The following MAST4 variants were observed in gnomAD, a reference collection of about 807,000 sequenced individuals.
MAST4 encodes the protein microtubule-associated serine/threonine-protein kinase 4.
MAST4 carries 89 observed loss-of-function variants against 162.7 expected under a neutral mutation model. The observed-to-expected ratio is 0.55, with a 90% confidence interval of 0.46 to 0.65. MAST4 has a LOEUF of 0.65. MAST4 is among the 30% of genes least tolerant of loss of function. MAST4 has a pLI of 0.00. For synonymous variants in MAST4, 1,479 were observed against 1,361.1 expected (o/e 1.09, Z -1.91); for missense variants, 3,153 against 3,374.0 (o/e 0.93, Z 1.62).
chr5:66,806,842 A>C (rs1170446880), intron 3 of MAST4, among the ~76,000 whole-genome samples: 1 of 151,944 alleles, frequency 6.6e-6, no homozygotes, highest in South Asian at 2.1e-4. Context: ...GCTCAATTTC[A>C]TATCTCCTTG....
At chr5:66,963,911 A>G in intron 4 of MAST4, 1 of 754,574 alleles carries the variant, frequency 1.3e-6, no homozygotes, top group South Asian at 1.4e-5. Flanking sequence ...AACTGGTTGA[A>G]TTGTTTACTT....
intron 1 of MAST4, among the ~76,000 whole-genome samples, chr5:66,624,146 G>GTTTTT (rs200030700): frequency 0.034 from 3,033 of 89,938 alleles, 397 homozygotes; most frequent in African/African-American, 0.067. Context: ...TTGTTAAAAT[G>GTTTTT]TTTTTTTTTT....
At chr5:66,630,652 A>G (rs1213223717) in intron 1 of MAST4, among the ~76,000 whole-genome samples, 3 of 152,216 alleles carry the variant, frequency 2.0e-5, no homozygotes, top group Non-Finnish European at 2.9e-5. Flanking sequence ...AAATCTCATT[A>G]ACTGGTTTTT....
chr5:66,726,083 G>A (rs1751499549), intron 1 of MAST4, among the ~76,000 whole-genome samples: 1 of 151,922 alleles, frequency 6.6e-6, no homozygotes, highest in South Asian at 2.1e-4. Flanking sequence ...ATAGTAATAA[G>A]GGGAAAAAAG....
intron 2 of MAST4, among the ~76,000 whole-genome samples, chr5:66,780,912 C>T (rs1430571188): frequency 6.6e-6 from 1 of 152,186 alleles, no homozygotes; most frequent in Non-Finnish European, 1.5e-5. Context: ...CAGAAAAGTT[C>T]TCCAAGTCCC....
At chr5:67,083,967 A>C in intron 5 of MAST4, among the ~76,000 whole-genome samples, 1 of 152,198 alleles carries the variant, frequency 6.6e-6, no homozygotes, top group East Asian at 1.9e-4. Flanking sequence ...ACATCAATTC[A>C]GAGTAATAAG....
At chr5:66,597,158 G>T in intron 1 of MAST4, 140 bp downstream of exon 1, 2 of 1,142,862 alleles carry the variant, frequency 1.7e-6, no homozygotes, top group East Asian at 3.3e-5. Context: ...CCCCGAGCAC[G>T]GGACAACGAT....
intron 27 of MAST4, among the ~76,000 whole-genome samples, chr5:67,161,254 C>T (rs1561192463): frequency 6.6e-6 from 1 of 151,978 alleles, no homozygotes; most frequent in Non-Finnish European, 1.5e-5. Flanking sequence ...TGAGTCACAT[C>T]ATATTAAAAG....
chr5:66,921,807 A>G (rs779063892), intron 4 of MAST4, among the ~76,000 whole-genome samples: 7 of 152,222 alleles, frequency 4.6e-5, no homozygotes, highest in Non-Finnish European at 8.8e-5. Context: ...TTAATTATCA[A>G]TGTAAGACTT....
chr5:67,000,424 T>A lies in MAST4; in HGVS notation c.675-53980T>A, dbSNP rs560203508. On this transcript the variant is annotated intron_variant, in intron 4 of 28. Coordinates refer to ENST00000403625, the MANE Select transcript of MAST4 (RefSeq NM_001164664.2). The stretch of plus-strand genomic sequence containing the variant: ...CTCCAGGCATATTATCTTTTAACAT[T>A]GTTCTACGTGGACTGGAGAAAACCC... 3.7e-4 allele frequency among the ~76,000 whole-genome samples: 57 copies of A among 152,280 alleles called. No individual in the cohort carries two copies. The South Asian group carries it at 0.011, about 29-fold the overall frequency.
chr5:66,920,114 A>G (rs1170680345), intron 4 of MAST4, among the ~76,000 whole-genome samples: 4 of 151,744 alleles, frequency 2.6e-5, no homozygotes, highest in African/African-American at 9.7e-5. Flanking sequence ...GAAAGTAATT[A>G]TAAGCCATTT....
chr5:67,164,628 A>G lies in MAST4; in HGVS notation c.5449A>G (p.Lys1817Glu). ...TCTCCTGTCCGGACCTCAGGCCTCC[A>G]AGACAGAACTGCCTTCCCCAGAGTC... ...IALLSGPQAS[K>E]TELPSPESAQ... Residue 1817 changes from lysine to glutamate, a missense_variant, in exon 29 of 29, where the codon AAG (lysine) becomes GAG (glutamate). Lys to Glu is a moderately conservative substitution (Grantham distance 56). Around this residue, in one of 7 missense-constraint regions of MAST4, gnomAD observed 1,644 missense variants for 1,495.0 expected, o/e 1.10. Transcript: ENST00000403625. This position sits in a 1 kb window ranked among gnomAD's most constrained non-coding sequence, Gnocchi z 5.3. 6.2e-7 allele frequency: 1 copy of G among 1,614,004 alleles called. No individual in the cohort carries two copies. The highest frequency in any genetic ancestry group is 1.1e-5 in the South Asian group (1 of 91,088).
intron 7 of MAST4, 67 bp downstream of exon 7, chr5:67,095,742 T>G (rs1168723429): frequency 8.2e-7 from 1 of 1,215,018 alleles, no homozygotes; most frequent in Non-Finnish European, 1.1e-6. Context: ...ACAGGCAGTG[T>G]TTTCTCTGGG....
At chr5:67,000,470 G>A (rs1751150873) in intron 4 of MAST4, among the ~76,000 whole-genome samples, 1 of 152,188 alleles carries the variant, frequency 6.6e-6, no homozygotes, top group Admixed American at 6.5e-5. Flanking sequence ...GGCATGTGTT[G>A]CCGGCTGTGG....
chr5:66,665,400 C>A (rs1486799130), intron 1 of MAST4, among the ~76,000 whole-genome samples: 2 of 152,168 alleles, frequency 1.3e-5, no homozygotes, highest in African/African-American at 2.4e-5. Context: ...TGACCATCTC[C>A]AAATCCCTAT....
At chr5:66,683,635 G>A (rs1201070488) in intron 1 of MAST4, among the ~76,000 whole-genome samples, 3 of 152,108 alleles carry the variant, frequency 2.0e-5, no homozygotes, top group Non-Finnish European at 2.9e-5. Flanking sequence ...CTGAGCAGCC[G>A]TGCCCACCTA....
At chr5:66,993,095 A>C (rs1286149261) in intron 4 of MAST4, among the ~76,000 whole-genome samples, 1 of 152,206 alleles carries the variant, frequency 6.6e-6, no homozygotes, top group African/African-American at 2.4e-5. Flanking sequence ...CGTTTGGTTC[A>C]TTTATTAATA....
chr5:67,074,841 C>G (rs2150688551), intron 5 of MAST4, among the ~76,000 whole-genome samples: 1 of 152,298 alleles, frequency 6.6e-6, no homozygotes, highest in East Asian at 1.9e-4. Flanking sequence ...CCATGATCAT[C>G]TGTTAGAGTC....
chr5:66,859,674 T>A (rs1339482851), intron 3 of MAST4, among the ~76,000 whole-genome samples: 1 of 152,162 alleles, frequency 6.6e-6, no homozygotes, highest in African/African-American at 2.4e-5. Flanking sequence ...GGAAGCTGGG[T>A]GAAGGCTTGT....
Sources: gnomAD v4.1 joint callset for allele counts (sites outside exome capture counted in the v4.1 genomes callset) on GRCh38, gnomAD v4.1.1 for gene constraint, gnomAD v4.1.1 regional missense constraint, Gnocchi (gnomAD v3.1) non-coding constraint, MANE v1.5 for transcripts, NCBI Gene and HGNC (gene_info 2026-07-23, HGNC 2026-07-21) for gene names.